The following ANO1 variants were observed in gnomAD, a reference collection of about 807,000 sequenced individuals.
The protein encoded by ANO1 is anoctamin 1.
ANO1 carries 59 observed loss-of-function variants against 124.0 expected under a neutral mutation model. That is an observed-to-expected ratio of 0.48 (90% confidence interval 0.39 to 0.59). ANO1 has a LOEUF of 0.59. Ranked by LOEUF, ANO1 falls within the 20% of genes least tolerant of loss-of-function variation. The pLI, the probability that ANO1 is intolerant of heterozygous loss-of-function variation, is 0.00. For synonymous variants in ANO1, 529 were observed against 532.0 expected (o/e 0.99, Z 0.08); for missense variants, 1,059 against 1,328.0 (o/e 0.80, Z 3.15).
intron 21 of ANO1, among the ~76,000 whole-genome samples, chr11:70,167,701 AGTCCCCAGGCACG>A (rs143688753): frequency 0.019 from 2,728 of 141,538 alleles, 95 homozygotes; most frequent in African/African-American, 0.068. Flanking sequence ...CCCCAGCCAC[AGTCCCCAGGCACG>A]GTCCCCAGGC....
At chr11:70,084,161 G>C (rs1338742760) in intron 1 of ANO1, among the ~76,000 whole-genome samples, 2 of 152,134 alleles carry the variant, frequency 1.3e-5, no homozygotes, top group Non-Finnish European at 2.9e-5. Context: ...ACTCAGGCAG[G>C]TGTGCCCTCC....
intron 21 of ANO1, 89 bp downstream of exon 21, chr11:70,167,476 T>C: frequency 3.3e-6 from 5 of 1,495,470 alleles, no homozygotes; most frequent in Non-Finnish European, 4.5e-6. Context: ...AGGGGCATGA[T>C]GCCCCCAACC....
intron 2 of ANO1, 133 bp downstream of exon 2, chr11:70,088,217 G>C: frequency 2.8e-6 from 2 of 706,628 alleles, no homozygotes; most frequent in Non-Finnish European, 4.4e-6. Flanking sequence ...TGTTCTTAAA[G>C]AAGGGGCAGA....
intron 1 of ANO1, among the ~76,000 whole-genome samples, chr11:70,024,151 C>T (rs1856852077): frequency 6.6e-6 from 1 of 152,214 alleles, no homozygotes; most frequent in African/African-American, 2.4e-5. Flanking sequence ...CCTTGGGCAG[C>T]CCCAGTGGAC....
At chr11:70,115,444 C>G (rs1035927964) in intron 7 of ANO1, among the ~76,000 whole-genome samples, 2 of 152,076 alleles carry the variant, frequency 1.3e-5, no homozygotes, top group Non-Finnish European at 2.9e-5. Flanking sequence ...GAAACCCTGT[C>G]TCTACTAAAA....
chr11:70,038,477 C>A (rs1373108857), intron 1 of ANO1, among the ~76,000 whole-genome samples: 1 of 152,198 alleles, frequency 6.6e-6, no homozygotes, highest in Non-Finnish European at 1.5e-5. Context: ...TGCTAGTGAG[C>A]AGCACCCTTT....
At chr11:70,172,322 C>T (rs1394870384) in intron 22 of ANO1, among the ~76,000 whole-genome samples, 1 of 152,034 alleles carries the variant, frequency 6.6e-6, no homozygotes, top group Non-Finnish European at 1.5e-5. Flanking sequence ...CCAGCCATCA[C>T]AGGAAGGGTG....
At chr11:70,068,038 T>A (rs1555008853) in intron 1 of ANO1, among the ~76,000 whole-genome samples, 1 of 152,172 alleles carries the variant, frequency 6.6e-6, no homozygotes, top group Non-Finnish European at 1.5e-5. Flanking sequence ...GGGGACACGC[T>A]CCTGCCAGAA....
chr11:70,108,577 T>A (rs1157998772), intron 6 of ANO1, among the ~76,000 whole-genome samples, 173 bp downstream of exon 6: 2 of 152,110 alleles, frequency 1.3e-5, no homozygotes, highest in African/African-American at 4.8e-5. Context: ...GCAGGGCAGT[T>A]TTATGGCCCA....
At chr11:70,041,835 TCTC>T (rs1857187629) in intron 1 of ANO1, among the ~76,000 whole-genome samples, 2 of 152,150 alleles carry the variant, frequency 1.3e-5, no homozygotes, top group Non-Finnish European at 2.9e-5. Context: ...ACAGGGGAAC[TCTC>T]CTCAAGTTCC....
intron 8 of ANO1, among the ~76,000 whole-genome samples, chr11:70,123,184 A>G (rs1385361326): frequency 6.6e-6 from 1 of 152,190 alleles, no homozygotes; most frequent in African/African-American, 2.4e-5. Context: ...AGGGCCGCAG[A>G]CAAGTCACAA....
intron 1 of ANO1, among the ~76,000 whole-genome samples, chr11:70,062,508 T>C (rs1555007902): frequency 6.6e-6 from 1 of 152,188 alleles, no homozygotes; most frequent in African/African-American, 2.4e-5. Flanking sequence ...AACTGAGAAC[T>C]TGTGTGCATG....
intron 6 of ANO1, among the ~76,000 whole-genome samples, chr11:70,110,793 T>C (rs1565210232): frequency 6.6e-6 from 1 of 152,236 alleles, no homozygotes; most frequent in East Asian, 1.9e-4. Context: ...CCCGCCTGGC[T>C]GGGCCCCCAC....
intron 9 of ANO1, among the ~76,000 whole-genome samples, chr11:70,124,989 C>G (rs2046435299): frequency 1.3e-5 from 2 of 152,222 alleles, no homozygotes; most frequent in African/African-American, 4.8e-5. Context: ...GGGAAGTAGG[C>G]CCACAGCCAT....
rs567042624 is a variant in ANO1 at position 70,081,229 on chromosome 11, T to G, written c.108+2515T>G. Among the ~76,000 whole-genome samples, 5 of 152,360 alleles carry G rather than the reference T, an allele frequency of 3.3e-5. No individual in the cohort carries two copies. In the East Asian group the frequency reaches 9.6e-4, roughly 29 times the overall value. On this transcript the variant is annotated intron_variant, in intron 1 of 25. Coordinates refer to ENST00000355303, the MANE Select transcript of ANO1 (RefSeq NM_018043.7). ...GCCAGAGGCCAGGTTGAATGCAATT[T>G]GTTTCCATTTCCCTCTGTTAATCTT...
At position 70,185,473 on chromosome 11, in the gene ANO1, G is replaced by A. The variant is rs541240907; in HGVS notation, c.2589-117G>A. The stretch of plus-strand genomic sequence containing the variant: ...TCGCCCAAGAGAGGGCTGCCCTCCC[G>A]GAGGCAGCCGCACACCAAGCTGAGC... On this transcript the variant is annotated intron_variant, in intron 24 of 25. Transcript: ENST00000355303. 1.1e-4 allele frequency: 97 copies of A among 871,012 alleles called. 1 individual carries two copies. The highest frequency in any genetic ancestry group is 7.0e-4 in the Middle Eastern group (2 of 2,854). The allele number at this position is 871,012 out of a possible 1,614,324, so 54.0% of individuals were successfully genotyped here.
intron 20 of ANO1, among the ~76,000 whole-genome samples, chr11:70,166,103 A>G (rs1263623064): frequency 6.6e-6 from 1 of 152,138 alleles, no homozygotes; most frequent in Non-Finnish European, 1.5e-5. Context: ...GGATCACTTG[A>G]GGTCAATAAT....
In ANO1 at chr11:70,148,296, GAATAGCGC is replaced by G. The variant is rs146769803; in HGVS notation, c.1259-1413_1259-1406del. Reference sequence around the variant, plus strand: ...CCCCTCTGTAAAATGGAGGGGATGGGAATAGCGCCTACCTCCTATGATCACCGTGAGGC... The same window carrying G: ...CCCCTCTGTAAAATGGAGGGGATGGGCTACCTCCTATGATCACCGTGAGGC... On this transcript the variant is annotated intron_variant, in intron 11 of 25. Coordinates refer to ENST00000355303, the MANE Select transcript of ANO1 (RefSeq NM_018043.7). Among the ~76,000 whole-genome samples the G allele has an allele frequency of 7.3e-3, 1,106 of 152,158 alleles. 12 individuals carry two copies. Among genetic ancestry groups the G allele is most frequent in the African/African-American group, 0.026 (1,069 of 41,516 alleles).
chr11:70,056,311 T>C (rs1857433764), intron 1 of ANO1: 1 of 152,176 alleles, frequency 6.6e-6, no homozygotes. Flanking sequence ...GGCAGTAATT[T>C]TCTTTCAGCA....
Sources: gnomAD v4.1 joint callset for allele counts (sites outside exome capture counted in the v4.1 genomes callset) on GRCh38, gnomAD v4.1.1 for gene constraint, MANE v1.5 for transcripts, NCBI Gene and HGNC (gene_info 2026-07-23, HGNC 2026-07-21) for gene names.